Variants in SYNDIG1L observed in about 807,000 individuals in gnomAD.
SYNDIG1L encodes synapse differentiation inducing 1 like.
SYNDIG1L carries 13 observed loss-of-function variants against 20.1 expected under a neutral mutation model. The ratio of observed to expected loss-of-function variants is 0.65; its 90% CI spans 0.42 to 1.03. The LOEUF is 1.03. Among genes scored for constraint, SYNDIG1L ranks in the 50% least tolerant of loss-of-function variants. SYNDIG1L has a pLI of 0.00. For synonymous variants in SYNDIG1L, 128 were observed against 129.3 expected, an observed-to-expected ratio of 0.99 and a Z score of 0.07; for missense variants, 294 against 305.1, an observed-to-expected ratio of 0.96 and a Z score of 0.27.
the SYNDIG1L span, among the ~76,000 whole-genome samples, chr14:74,454,388 A>G: frequency 6.6e-6 from 1 of 152,320 alleles, no homozygotes; most frequent in Non-Finnish European, 1.5e-5. Context: ...ATCAGTTCAA[A>G]GGAGAACTGC....
chr14:74,430,354 G>A (rs1228331955), upstream of SYNDIG1L, among the ~76,000 whole-genome samples: 2 of 152,162 alleles, frequency 1.3e-5, no homozygotes, highest in Non-Finnish European at 2.9e-5. Context: ...GTGCCAGGGT[G>A]GGGCTTATCA....
intron 1 of SYNDIG1L, among the ~76,000 whole-genome samples, chr14:74,413,734 CG>C (rs1555342862): frequency 6.6e-6 from 1 of 151,934 alleles, no homozygotes; most frequent in Non-Finnish European, 1.5e-5. Flanking sequence ...CTAGGTTTGG[CG>C]GCTGAGCACA....
rs1157630298 is a variant in SYNDIG1L at position 74,425,928 on chromosome 14, G to C, written c.-74C>G. On this transcript the variant is annotated 5_prime_UTR_variant, in exon 1 of 4. Coordinates refer to ENST00000331628, the MANE Select transcript of SYNDIG1L (RefSeq NM_001105579.2). The stretch of plus-strand genomic sequence containing the variant: ...GCCCCTTACCTGTCCCGCCGCGGAC[G>C]GTCCCGCCTCCTCCGCGGGGCTCGG... 1.3e-5 allele frequency: 2 copies of C among 152,016 alleles called. No homozygotes were observed. The highest frequency in any genetic ancestry group is 2.9e-5 in the Non-Finnish European group (2 of 67,940). The allele number at this position is 152,016 out of a possible 1,614,324, so 9.4% of individuals were successfully genotyped here.
chr14:74,412,158 G>A (rs2086136265), intron 1 of SYNDIG1L, among the ~76,000 whole-genome samples: 1 of 152,238 alleles, frequency 6.6e-6, no homozygotes, highest in Admixed American at 6.5e-5. Context: ...TTGGATTATA[G>A]TGATGTGGAG....
At chr14:74,423,574 C>A (rs1382237513) in intron 1 of SYNDIG1L, among the ~76,000 whole-genome samples, 1 of 152,144 alleles carries the variant, frequency 6.6e-6, no homozygotes, top group African/African-American at 2.4e-5. Context: ...AGGTCACTGG[C>A]ATGGTTTACT....
chr14:74,473,948 G>C, the SYNDIG1L span: 1 of 152,208 alleles, frequency 6.6e-6, no homozygotes, highest in Non-Finnish European at 1.5e-5. Flanking sequence ...TCTCAACCTT[G>C]TTCTTCTGGT....
At chr14:74,443,285 G>A in the SYNDIG1L span, among the ~76,000 whole-genome samples, 2 of 152,194 alleles carry the variant, frequency 1.3e-5, no homozygotes, top group African/African-American at 2.4e-5. Context: ...AAAGCAATTC[G>A]TGAAAGAGGG....
chr14:74,476,461 A>G, the SYNDIG1L span: 2 of 1,366,330 alleles, frequency 1.5e-6, no homozygotes, highest in Non-Finnish European at 2.0e-6. Context: ...AAGCCCCTGC[A>G]GGTGAGGGGA....
At chr14:74,447,979 T>A in the SYNDIG1L span, among the ~76,000 whole-genome samples, 2 of 152,030 alleles carry the variant, frequency 1.3e-5, no homozygotes, top group Non-Finnish European at 2.9e-5. Context: ...TATAAACCCC[T>A]AAGTAAGTCC....
the SYNDIG1L span, chr14:74,474,109 T>C: frequency 6.6e-6 from 1 of 152,228 alleles, no homozygotes; most frequent in Admixed American, 6.5e-5. Context: ...CCAGTATGAA[T>C]AGGCTTTGTA....
At chr14:74,446,979 G>A in the SYNDIG1L span, among the ~76,000 whole-genome samples, 13 of 152,112 alleles carry the variant, frequency 8.5e-5, no homozygotes, top group African/African-American at 3.1e-4. Flanking sequence ...AGTGGCTCAC[G>A]CTTGTGATTC....
chr14:74,416,638 A>G (rs1240250778), intron 1 of SYNDIG1L, among the ~76,000 whole-genome samples: 3 of 149,944 alleles, frequency 2.0e-5, no homozygotes, highest in African/African-American at 7.6e-5. Context: ...TGTCTCAAAA[A>G]CAAAAACAAA....
chr14:74,471,368 G>A, the SYNDIG1L span, among the ~76,000 whole-genome samples: 7 of 152,102 alleles, frequency 4.6e-5, no homozygotes, highest in South Asian at 2.1e-4. Flanking sequence ...AGGCTGAAGC[G>A]GGTGGATCAC....
At chr14:74,453,166 G>A in the SYNDIG1L span, among the ~76,000 whole-genome samples, 8 of 151,770 alleles carry the variant, frequency 5.3e-5, no homozygotes, top group Admixed American at 3.9e-4. Context: ...GACCAACATG[G>A]AGAAACCCCA....
upstream of SYNDIG1L, among the ~76,000 whole-genome samples, chr14:74,428,904 G>A (rs1311483906): frequency 6.6e-6 from 1 of 152,156 alleles, no homozygotes; most frequent in Admixed American, 6.5e-5. Context: ...GTCCAGAAGG[G>A]TAACACTGGG....
chr14:74,420,980 AG>A (rs2086216458), intron 1 of SYNDIG1L, among the ~76,000 whole-genome samples: 1 of 152,200 alleles, frequency 6.6e-6, no homozygotes, highest in Non-Finnish European at 1.5e-5. Flanking sequence ...TTCATTCCTA[AG>A]TATAAATGGA....
chr14:74,446,061 A>G, the SYNDIG1L span, among the ~76,000 whole-genome samples: 1 of 152,342 alleles, frequency 6.6e-6, no homozygotes, highest in African/African-American at 2.4e-5. Context: ...TTCCATGGAA[A>G]ACAACTAAAA....
intron 1 of SYNDIG1L, among the ~76,000 whole-genome samples, chr14:74,421,183 C>T (rs2086218648): frequency 6.6e-6 from 1 of 151,930 alleles, no homozygotes; most frequent in African/African-American, 2.4e-5. Flanking sequence ...TAACAGGCTG[C>T]TATGAAAAAG....
chr14:74,459,874 CT>C, the SYNDIG1L span, among the ~76,000 whole-genome samples: 1 of 152,214 alleles, frequency 6.6e-6, no homozygotes, highest in Non-Finnish European at 1.5e-5. Flanking sequence ...AGATGGATTT[CT>C]TTAAAAATTG....
Sources: gnomAD v4.1 joint callset for allele counts (sites outside exome capture counted in the v4.1 genomes callset) on GRCh38, gnomAD v4.1.1 for gene constraint, MANE v1.5 for transcripts, NCBI Gene and HGNC (gene_info 2026-07-23, HGNC 2026-07-21) for gene names.